CDH6: variants seen among roughly 807,000 people sequenced by gnomAD.
CDH6 encodes cadherin-6.
Under a neutral mutation model 78.0 loss-of-function variants are expected in CDH6, and 31 were observed. The observed-to-expected ratio is 0.40, with a 90% CI of 0.30 to 0.54. CDH6 has a LOEUF of 0.54. Among genes scored for constraint, CDH6 ranks in the 20% least tolerant of loss-of-function variants. CDH6 has a pLI of 0.56. For missense variants in CDH6, 724 were observed against 975.9 expected, an observed-to-expected ratio of 0.74 and a Z score of 3.44; for synonymous variants, 376 against 368.8, an observed-to-expected ratio of 1.02 and a Z score of -0.23.
Position 31,283,036 on chromosome 5 carries a change from G to C in CDH6, c.229-10926G>C, listed in dbSNP as rs148032574. Among the ~76,000 whole-genome samples, 45 of 152,286 alleles carry C rather than the reference G, an allele frequency of 3.0e-4. 2 individuals carry two copies. The highest frequency in any genetic ancestry group is 1.0e-3 in the African/African-American group (43 of 41,550). Reference sequence around the variant, plus strand: ...GGATGGATGGAAGGAAAAAGAGAGAGAGACAGACAGACAGATTTAAGTTTG... The same window carrying C: ...GGATGGATGGAAGGAAAAAGAGAGACAGACAGACAGACAGATTTAAGTTTG... On this transcript the variant is annotated intron_variant, in intron 2 of 11. Coordinates refer to ENST00000265071, the MANE Select transcript of CDH6 (RefSeq NM_004932.4).
At chr5:31,244,940 C>G (rs1741702361) in intron 1 of CDH6, among the ~76,000 whole-genome samples, 1 of 152,210 alleles carries the variant, frequency 6.6e-6, no homozygotes, top group Non-Finnish European at 1.5e-5. Flanking sequence ...GCAGCTTGAA[C>G]AGCCAGGCCC....
At chr5:31,244,764 G>A (rs906221651) in intron 1 of CDH6, among the ~76,000 whole-genome samples, 6 of 152,136 alleles carry the variant, frequency 3.9e-5, no homozygotes, top group African/African-American at 1.4e-4. Flanking sequence ...GAAATGCCTG[G>A]GACCTAGGAA....
In CDH6 at chr5:31,296,910, C is replaced by T. The variant is rs140890384; in HGVS notation, c.524-379C>T. Among the ~76,000 whole-genome samples the T allele has an allele frequency of 9.4e-3, 1,432 of 152,050 alleles. 27 individuals are homozygous for T. Among genetic ancestry groups the T allele is most frequent in the African/African-American group, 0.033 (1,381 of 41,472 alleles). On this transcript the variant is annotated intron_variant, in intron 3 of 11. Coordinates refer to ENST00000265071, the MANE Select transcript of CDH6 (RefSeq NM_004932.4). Reference sequence around the variant, plus strand: ...AATTTCCAGCAAAATCATGAGTGGCCCCTGATTGGACAATTCCTAAACTAA... The same window carrying T: ...AATTTCCAGCAAAATCATGAGTGGCTCCTGATTGGACAATTCCTAAACTAA...
chr5:31,323,116 C>T lies in CDH6; in HGVS notation c.2181C>T (p.Pro727=), dbSNP rs1218975934. ...NQRLKENDTD[P]TAPPYDSLAT... ...GGTTAAAGGAAAATGACACGGACCC[C>T]ACTGCCCCGCCATACGACTCCTTGG... Residue 727 remains proline (P), a synonymous_variant, in exon 12 of 12, where the codon CCC becomes CCT. Coordinates refer to ENST00000265071, the MANE Select transcript of CDH6 (RefSeq NM_004932.4). 1 of 1,614,064 alleles carries T rather than the reference C, an allele frequency of 6.2e-7. No individual in the cohort carries two copies. Among genetic ancestry groups the T allele is most frequent in the African/African-American group, 1.3e-5 (1 of 74,926 alleles).
At chr5:31,302,958 G>GAA (rs1561066578) in intron 6 of CDH6, among the ~76,000 whole-genome samples, 8 of 106,152 alleles carry the variant, frequency 7.5e-5, no homozygotes, top group Admixed American at 2.6e-4. Context: ...AAAGAAAGAA[G>GAA]GAAAGAAAAG....
At position 31,328,984 on chromosome 5, in the gene CDH6, G is replaced by T; in HGVS notation, c.*5676G>T. The T allele has an allele frequency of 4.5e-6, 1 of 219,986 alleles. No individual in the cohort carries two copies. The highest frequency in any genetic ancestry group is 9.1e-6 in the Non-Finnish European group (1 of 109,830). 13.6% of individuals were successfully genotyped at this position (219,986 alleles called of 1,614,324 possible). ...GTCAAATGGCAAATACGCACTCCTT[G>T]AAATGGCTTCTTTTATTTGGTTTTG... On this transcript the variant is annotated 3_prime_UTR_variant, in exon 12 of 12. Coordinates refer to ENST00000265071, the MANE Select transcript of CDH6 (RefSeq NM_004932.4).
At chr5:31,270,449 G>A (rs947082044) in intron 2 of CDH6, among the ~76,000 whole-genome samples, 1 of 152,236 alleles carries the variant, frequency 6.6e-6, no homozygotes. Flanking sequence ...CTTGAGCACA[G>A]CACAATTTCT....
chr5:31,218,661 C>A (rs1377468105), intron 1 of CDH6, among the ~76,000 whole-genome samples: 1 of 152,136 alleles, frequency 6.6e-6, no homozygotes, highest in East Asian at 1.9e-4. Flanking sequence ...TTTCCTCTCT[C>A]CACTTGCAGA....
At chr5:31,197,748 C>T (rs951157972) in intron 1 of CDH6, among the ~76,000 whole-genome samples, 1 of 152,116 alleles carries the variant, frequency 6.6e-6, no homozygotes, top group Non-Finnish European at 1.5e-5. Flanking sequence ...TTCTTTTCTT[C>T]TTCGTTTTTT....
At chr5:31,284,099 G>A (rs1742945091) in intron 2 of CDH6, among the ~76,000 whole-genome samples, 1 of 152,152 alleles carries the variant, frequency 6.6e-6, no homozygotes, top group Admixed American at 6.5e-5. Flanking sequence ...ACAGGAATGA[G>A]CCACCGTGCC....
chr5:31,199,579 ATATC>A (rs1740280412), intron 1 of CDH6, among the ~76,000 whole-genome samples: 1 of 147,460 alleles, frequency 6.8e-6, no homozygotes, highest in Admixed American at 6.8e-5. Flanking sequence ...CAGAGCATAT[ATATC>A]TATACACACA....
intron 11 of CDH6, among the ~76,000 whole-genome samples, chr5:31,322,502 G>T (rs1262699127): frequency 6.6e-6 from 1 of 152,110 alleles, no homozygotes; most frequent in Non-Finnish European, 1.5e-5. Flanking sequence ...CTGAGGCCGA[G>T]CTTCTTTTCT....
intron 1 of CDH6, among the ~76,000 whole-genome samples, chr5:31,221,399 G>A (rs1017854851): frequency 6.6e-6 from 1 of 152,096 alleles, no homozygotes; most frequent in African/African-American, 2.4e-5. Context: ...ATTCTATTCA[G>A]AAAGAATTAA....
chr5:31,285,674 C>A (rs1002227610), intron 2 of CDH6, among the ~76,000 whole-genome samples: 3 of 152,134 alleles, frequency 2.0e-5, no homozygotes, highest in Non-Finnish European at 4.4e-5. Flanking sequence ...GTTGCTGCAA[C>A]AGGAGGATAC....
chr5:31,288,818 GT>G (rs761306067), intron 2 of CDH6, among the ~76,000 whole-genome samples: 10 of 152,082 alleles, frequency 6.6e-5, no homozygotes, highest in East Asian at 3.8e-4. Context: ...GCACTACACC[GT>G]ACAAGTCCTT....
chr5:31,284,559 G>A (rs1235361760), intron 2 of CDH6, among the ~76,000 whole-genome samples: 1 of 152,194 alleles, frequency 6.6e-6, no homozygotes, highest in South Asian at 2.1e-4. Context: ...AGAACAAGAA[G>A]GGGGTGGATT....
At chr5:31,251,706 T>G (rs984481341) in intron 1 of CDH6, 1 of 152,246 alleles carries the variant, frequency 6.6e-6, no homozygotes, top group East Asian at 1.9e-4. Flanking sequence ...GTAGAGAAAA[T>G]GACAGAAGTT....
At chr5:31,238,277 T>C (rs1230621203) in intron 1 of CDH6, among the ~76,000 whole-genome samples, 2 of 152,174 alleles carry the variant, frequency 1.3e-5, no homozygotes, top group African/African-American at 2.4e-5. Flanking sequence ...TTTAAAACAA[T>C]CCAATGGGAG....
In CDH6 at chr5:31,313,473, C is replaced by T. The variant is rs780746375; in HGVS notation, c.1390+19C>T. On this transcript the variant is annotated intron_variant, in intron 8 of 11. Transcript: ENST00000265071. ...GAGATCAGTAAGTCCTACCTAATAC[C>T]GCTGCTGTCCCCTATTAATAGACTG... is the stretch of plus-strand genomic sequence containing the variant. The T allele has an allele frequency of 3.1e-5, 50 of 1,608,022 alleles. No individual in the cohort carries two copies. The East Asian group carries it at 3.1e-4, about 10-fold the overall frequency.
Sources: allele counts gnomAD v4.1 joint callset (sites outside exome capture counted in the v4.1 genomes callset), GRCh38; gene constraint gnomAD v4.1.1; transcripts MANE v1.5; gene names NCBI Gene and HGNC (gene_info 2026-07-23, HGNC 2026-07-21).